KCNMA1: variants seen among roughly 807,000 people sequenced by gnomAD.
KCNMA1 encodes the protein potassium calcium-activated channel subfamily M alpha 1, also known as Calcium-activated potassium channel subunit alpha-1.
Under a neutral mutation model 140.0 loss-of-function variants are expected in KCNMA1, and 29 were observed. The observed-to-expected ratio is 0.21, with a 90% CI of 0.15 to 0.28. KCNMA1 has a LOEUF of 0.28. Among genes scored for constraint, KCNMA1 ranks in the 10% least tolerant of loss-of-function variants. The probability of loss-of-function intolerance (pLI) is 1.00; values close to 1 mark genes in which losing one functional copy is unlikely to be tolerated. For synonymous variants in KCNMA1, 612 were observed against 611.9 expected, an observed-to-expected ratio of 1.00 and a Z score of 0.00; for missense variants, 880 against 1,602.2, an observed-to-expected ratio of 0.55 and a Z score of 7.70.
intron 12 of KCNMA1, 164 bp from the exon 13 acceptor site, chr10:77,079,714 G>T: frequency 1.5e-6 from 1 of 666,136 alleles, no homozygotes; most frequent in Non-Finnish European, 2.7e-6. Context: ...TTGAAGACTA[G>T]CTGAAACAGG....
At chr10:77,118,339 CA>C (rs1315190235) in intron 6 of KCNMA1, among the ~76,000 whole-genome samples, 1 of 152,164 alleles carries the variant, frequency 6.6e-6, no homozygotes, top group Non-Finnish European at 1.5e-5. Flanking sequence ...TGGGGATGCC[CA>C]AAAGGAAGGA....
chr10:76,957,984 G>A (rs557165961), intron 20 of KCNMA1, among the ~76,000 whole-genome samples: 1 of 152,354 alleles, frequency 6.6e-6, no homozygotes, highest in East Asian at 1.9e-4. Context: ...GCTGCAGAGA[G>A]ATCTCTGGAA....
At chr10:76,871,478 T>G (rs537661885) in exon 28 of KCNMA1, 1 of 152,384 alleles carries the variant, frequency 6.6e-6, no homozygotes, top group Admixed American at 6.5e-5. Flanking sequence ...TCTATAACAT[T>G]TATTTGCTAT....
chr10:77,623,144 G>A lies in KCNMA1; in HGVS notation c.378+14121C>T, dbSNP rs147868992. ...TTTAGTTTCATTACAGTCTGTGTTC[G>A]TAGAGTACAAATAGAAACCTTCGTG... is the stretch of plus-strand genomic sequence containing the variant. On this transcript the variant is annotated intron_variant, in intron 1 of 27. Transcript: ENST00000286628. Among the ~76,000 whole-genome samples the A allele has an allele frequency of 1.0e-3, 155 of 152,274 alleles. 1 individual carries two copies. Among genetic ancestry groups the A allele is most frequent in the Middle Eastern group, 6.8e-3 (2 of 294 alleles).
chr10:77,629,206 A>C (rs2092902799), intron 1 of KCNMA1, among the ~76,000 whole-genome samples: 1 of 152,222 alleles, frequency 6.6e-6, no homozygotes, highest in African/African-American at 2.4e-5. Flanking sequence ...CAATGTCCCA[A>C]GACAATCACC....
At chr10:77,570,615 A>G (rs2070782527) in intron 1 of KCNMA1, among the ~76,000 whole-genome samples, 1 of 95,136 alleles carries the variant, frequency 1.1e-5, no homozygotes, top group African/African-American at 4.0e-5. Flanking sequence ...GAGGGATAGC[A>G]TTGGGAGATA....
chr10:77,611,603 T>C (rs917909918), intron 1 of KCNMA1, among the ~76,000 whole-genome samples: 1 of 151,986 alleles, frequency 6.6e-6, no homozygotes, highest in African/African-American at 2.4e-5. Flanking sequence ...GCCCGGCACA[T>C]AGCGAGTTCT....
At chr10:77,360,153 G>A (rs1603400606) in intron 2 of KCNMA1, among the ~76,000 whole-genome samples, 1 of 152,326 alleles carries the variant, frequency 6.6e-6, no homozygotes, top group East Asian at 1.9e-4. Context: ...GCTTGAATGA[G>A]TGCACATTCT....
chr10:77,088,477 T>A (rs1285209067), intron 10 of KCNMA1, among the ~76,000 whole-genome samples: 7 of 152,074 alleles, frequency 4.6e-5, no homozygotes, highest in Admixed American at 4.6e-4. Flanking sequence ...AGACAGGGAC[T>A]GGAGTGCAGT....
At chr10:77,335,034 T>G (rs1365567378) in intron 2 of KCNMA1, among the ~76,000 whole-genome samples, 1 of 152,170 alleles carries the variant, frequency 6.6e-6, no homozygotes, top group African/African-American at 2.4e-5. Context: ...AGGGTTAGAC[T>G]AAAGGATTTT....
chr10:77,586,107 T>C (rs1269188256), intron 1 of KCNMA1, among the ~76,000 whole-genome samples: 2 of 152,222 alleles, frequency 1.3e-5, no homozygotes, highest in South Asian at 2.1e-4. Flanking sequence ...CCAATGTTTA[T>C]CTAACATTTT....
intron 2 of KCNMA1, among the ~76,000 whole-genome samples, chr10:77,276,750 T>C (rs1401284014): frequency 6.6e-6 from 1 of 152,136 alleles, no homozygotes; most frequent in Non-Finnish European, 1.5e-5. Context: ...AATATATTTA[T>C]AATAGCCAAA....
chr10:77,137,688 A>G (rs1186157790), intron 5 of KCNMA1, among the ~76,000 whole-genome samples: 1 of 152,194 alleles, frequency 6.6e-6, no homozygotes, highest in East Asian at 1.9e-4. Context: ...TTGTTCCCAC[A>G]GTCAGAATGT....
At chr10:77,309,916 C>T (rs775858887) in intron 2 of KCNMA1, among the ~76,000 whole-genome samples, 1 of 152,188 alleles carries the variant, frequency 6.6e-6, no homozygotes, top group Non-Finnish European at 1.5e-5. Context: ...CTTGAGTCAG[C>T]CAACAGCTCA....
chr10:77,366,146 T>TTTC (rs1555244644), intron 2 of KCNMA1, among the ~76,000 whole-genome samples: 25 of 150,626 alleles, frequency 1.7e-4, no homozygotes, highest in African/African-American at 5.4e-4. Flanking sequence ...CTCTCTCTCT[T>TTTC]TCTCTTTCTT....
At chr10:76,893,572 T>G (rs2041168113) in intron 25 of KCNMA1, among the ~76,000 whole-genome samples, 1 of 151,958 alleles carries the variant, frequency 6.6e-6, no homozygotes, top group Non-Finnish European at 1.5e-5. Flanking sequence ...AATCCTAGTC[T>G]CTACTAAAAA....
At chr10:77,157,109 C>T (rs938776134) in intron 5 of KCNMA1, among the ~76,000 whole-genome samples, 1 of 152,162 alleles carries the variant, frequency 6.6e-6, no homozygotes, top group African/African-American at 2.4e-5. Context: ...CACTGGGTGA[C>T]TACACAAATA....
At chr10:77,320,955 T>C (rs2082173257) in intron 2 of KCNMA1, among the ~76,000 whole-genome samples, 1 of 152,202 alleles carries the variant, frequency 6.6e-6, no homozygotes, top group Non-Finnish European at 1.5e-5. Context: ...GTTCTGCTCA[T>C]TCAAGACTCT....
intron 12 of KCNMA1, among the ~76,000 whole-genome samples, chr10:77,082,114 C>T (rs1288612208): frequency 3.4e-5 from 5 of 148,514 alleles, no homozygotes; most frequent in South Asian, 2.2e-4. Context: ...CTGCAACCTC[C>T]GCCTCCTGGG....
Sources: allele counts gnomAD v4.1 joint callset (sites outside exome capture counted in the v4.1 genomes callset), GRCh38; gene constraint gnomAD v4.1.1; transcripts MANE v1.5; gene names NCBI Gene and HGNC (gene_info 2026-07-23, HGNC 2026-07-21).